Variants in CASK observed in about 807,000 individuals in gnomAD.
The protein encoded by CASK is calcium/calmodulin dependent serine protein kinase.
A neutral mutation model predicts 82.9 loss-of-function variants in CASK; 4 were observed. That is an observed-to-expected ratio of 0.05 (90% CI 0.02 to 0.11). The LOEUF (loss-of-function observed/expected upper bound fraction) is 0.11. Ranked by LOEUF, CASK falls within the 10% of genes least tolerant of loss-of-function variation. CASK has a pLI of 1.00. For missense variants in CASK, 358 were observed against 720.9 expected, an observed-to-expected ratio of 0.50 and a Z score of 5.76; for synonymous variants, 259 against 253.5, an observed-to-expected ratio of 1.02 and a Z score of -0.20.
chrX:41,544,564 T>TAAA (rs752196101), intron 21 of CASK, among the ~76,000 whole-genome samples: 65 of 48,362 alleles, frequency 1.3e-3, no homozygotes, highest in African/African-American at 4.7e-3. Context: ...AGACCTTGTC[T>TAAA]AAAAAAAAAA....
intron 5 of CASK, among the ~76,000 whole-genome samples, chrX:41,718,313 T>C (rs1056350000): frequency 8.8e-6 from 1 of 113,173 alleles, no homozygotes; most frequent in African/African-American, 3.2e-5. Flanking sequence ...CCCTGAATTC[T>C]GTGAGCTGCT....
intron 1 of CASK, among the ~76,000 whole-genome samples, chrX:41,913,295 A>C (rs1055457210): frequency 4.5e-5 from 5 of 112,302 alleles, no homozygotes; most frequent in Non-Finnish European, 9.4e-5. Flanking sequence ...ACATGTATAC[A>C]TTTGTAACAA....
chrX:41,774,540 A>C (rs2069311935), intron 3 of CASK, among the ~76,000 whole-genome samples: 1 of 111,251 alleles, frequency 9.0e-6, no homozygotes, highest in African/African-American at 3.3e-5. Context: ...ACTACTTTAA[A>C]GTTCATATGG....
At chrX:41,683,831 A>C (rs1331223710) in intron 5 of CASK, among the ~76,000 whole-genome samples, 1 of 111,856 alleles carries the variant, frequency 8.9e-6, no homozygotes, top group Non-Finnish European at 1.9e-5. Context: ...GTGTGTGTGA[A>C]AGTTTTAAAA....
rs1056266155 is a variant in CASK at position 41,863,115 on chromosome X, T to C, written c.60-9888A>G. On this transcript the variant is annotated intron_variant, in intron 1 of 26. Coordinates refer to ENST00000378163, the MANE Select transcript of CASK (RefSeq NM_001367721.1). Reference sequence around the variant, plus strand: ...CAAGCATGCTGCTAAGAAGTTTACATAGATTCTTGTTATTTATCATAATTT... The same window carrying C: ...CAAGCATGCTGCTAAGAAGTTTACACAGATTCTTGTTATTTATCATAATTT... Among the ~76,000 whole-genome samples the C allele has an allele frequency of 2.7e-5, 3 of 112,174 alleles. No homozygotes were observed. The Admixed American group carries it at 2.8e-4, about 11-fold the overall frequency.
chrX:41,600,030 T>C (rs1326716976), intron 12 of CASK, among the ~76,000 whole-genome samples: 1 of 111,926 alleles, frequency 8.9e-6, no homozygotes, highest in Non-Finnish European at 1.9e-5. Context: ...ATTTCCTAGC[T>C]TGGCTCTTCT....
chrX:41,604,870 T>C (rs2065938442), intron 12 of CASK, among the ~76,000 whole-genome samples: 1 of 112,317 alleles, frequency 8.9e-6, no homozygotes, highest in South Asian at 3.6e-4. Context: ...CTGTATCAGT[T>C]TCTAACTACA....
chrX:41,572,493 CT>C (rs2065427594), intron 15 of CASK, among the ~76,000 whole-genome samples: 1 of 111,058 alleles, frequency 9.0e-6, no homozygotes, highest in African/African-American at 3.3e-5. Flanking sequence ...TTTATAGCAT[CT>C]ATCTTTAACT....
chrX:41,795,473 T>C (rs1039756746), intron 2 of CASK, among the ~76,000 whole-genome samples: 1 of 110,575 alleles, frequency 9.0e-6, no homozygotes, highest in Non-Finnish European at 1.9e-5. Context: ...TGGGACCAGA[T>C]TGGGCAACAT....
chrX:41,639,565 T>C (rs1160948188), intron 8 of CASK, among the ~76,000 whole-genome samples: 2 of 110,966 alleles, frequency 1.8e-5, no homozygotes, highest in Admixed American at 9.7e-5. Context: ...TCTGAATATA[T>C]ATTTTTTTGT....
chrX:41,727,062 G>A (rs767575898), intron 5 of CASK: 1 of 1,171,369 alleles, frequency 8.5e-7, no homozygotes, highest in Non-Finnish European at 1.2e-6. Flanking sequence ...AACCATCTAT[G>A]ATCTCTTCCA....
At chrX:41,633,772 T>A (rs1467220333) in intron 9 of CASK, among the ~76,000 whole-genome samples, 3 of 109,519 alleles carry the variant, frequency 2.7e-5, no homozygotes, top group Middle Eastern at 4.2e-3. Flanking sequence ...TTCTCTTTTT[T>A]TTTTTGAGAC....
intron 26 of CASK, among the ~76,000 whole-genome samples, chrX:41,522,702 G>A (rs933819543): frequency 8.9e-6 from 1 of 112,156 alleles, no homozygotes; most frequent in East Asian, 2.8e-4. Context: ...CTGGGCTGAT[G>A]AAAATATTCA....
chrX:41,875,740 A>C (rs946295663), intron 1 of CASK, among the ~76,000 whole-genome samples: 62 of 111,733 alleles, frequency 5.5e-4, no homozygotes, highest in Non-Finnish European at 2.4e-4. Context: ...AGAAGACTTA[A>C]AATAGTGGAA....
At chrX:41,879,643 G>A (rs775067308) in intron 1 of CASK, among the ~76,000 whole-genome samples, 2 of 111,419 alleles carry the variant, frequency 1.8e-5, no homozygotes, top group South Asian at 7.5e-4. Flanking sequence ...ATGGCATTAA[G>A]AACATGAAGG....
intron 2 of CASK, among the ~76,000 whole-genome samples, chrX:41,818,989 T>C (rs1472772682): frequency 9.0e-6 from 1 of 111,449 alleles, no homozygotes; most frequent in Non-Finnish European, 1.9e-5. Context: ...AAAGATTTCT[T>C]AGAAGGAGCA....
At chrX:41,686,302 C>T (rs1303125340) in intron 5 of CASK, among the ~76,000 whole-genome samples, 1 of 110,864 alleles carries the variant, frequency 9.0e-6, no homozygotes, top group Non-Finnish European at 1.9e-5. Flanking sequence ...GTTGGTCAGG[C>T]TGGTCTCGAA....
chrX:41,581,524 A>G (rs913941812), intron 14 of CASK, among the ~76,000 whole-genome samples: 1 of 111,165 alleles, frequency 9.0e-6, no homozygotes, highest in African/African-American at 3.3e-5. Context: ...ATAATCAGAA[A>G]GCAAAGAAAA....
At chrX:41,576,661 T>C (rs986361537) in intron 15 of CASK, among the ~76,000 whole-genome samples, 8 of 112,062 alleles carry the variant, frequency 7.1e-5, no homozygotes, top group African/African-American at 2.6e-4. Flanking sequence ...TGAATGAATA[T>C]ATAAAATGAA....
Sources: allele counts gnomAD v4.1 joint callset (sites outside exome capture counted in the v4.1 genomes callset), GRCh38; gene constraint gnomAD v4.1.1; transcripts MANE v1.5; gene names NCBI Gene and HGNC (gene_info 2026-07-23, HGNC 2026-07-21).